The following CDH18 variants were observed in gnomAD, a reference collection of about 807,000 sequenced individuals.
The protein encoded by CDH18 is cadherin-18.
A neutral mutation model predicts 67.9 loss-of-function variants in CDH18; 31 were observed. That is an observed-to-expected ratio of 0.46 (90% confidence interval 0.34 to 0.62). The LOEUF is 0.62. Among genes scored for constraint, CDH18 ranks in the 20% least tolerant of loss-of-function variants. The pLI, the probability that CDH18 is intolerant of heterozygous loss-of-function variation, is 0.01. For synonymous variants in CDH18, 362 were observed against 347.2 expected (o/e 1.04, Z -0.48); for missense variants, 890 against 975.5 (o/e 0.91, Z 1.17).
At chr5:20,568,132 C>T (rs190191265) in intron 1 of CDH18, among the ~76,000 whole-genome samples, 27 of 152,186 alleles carry the variant, frequency 1.8e-4, no homozygotes, top group East Asian at 9.7e-4. Context: ...ATTATAAAGA[C>T]GACAAACACA....
At chr5:20,106,674 T>C (rs1319118657) in intron 2 of CDH18, among the ~76,000 whole-genome samples, 1 of 152,226 alleles carries the variant, frequency 6.6e-6, no homozygotes, top group Non-Finnish European at 1.5e-5. Context: ...TTGTTATTTG[T>C]TTCTTTATTT....
intron 2 of CDH18, among the ~76,000 whole-genome samples, chr5:20,193,422 T>C (rs1187996730): frequency 6.6e-6 from 1 of 151,730 alleles, no homozygotes; most frequent in Non-Finnish European, 1.5e-5. Flanking sequence ...AATAACAAAT[T>C]CTGAAAATGA....
intron 2 of CDH18, among the ~76,000 whole-genome samples, chr5:20,104,448 A>T (rs1430078209): frequency 6.6e-6 from 1 of 152,202 alleles, no homozygotes; most frequent in Non-Finnish European, 1.5e-5. Flanking sequence ...TGAGAGAACA[A>T]GAGTATATCG....
At chr5:19,735,232 A>G (rs1021617202) in intron 4 of CDH18, among the ~76,000 whole-genome samples, 5 of 152,122 alleles carry the variant, frequency 3.3e-5, no homozygotes, top group African/African-American at 1.2e-4. Context: ...GTCGCTGTCA[A>G]TTGGTCTCAG....
chr5:19,985,382 G>A (rs77895444), intron 1 of CDH18, among the ~76,000 whole-genome samples: 1,840 of 152,110 alleles, frequency 0.012, 54 homozygotes, highest in African/African-American at 0.042. Flanking sequence ...CCCACTGAGT[G>A]GTTCTCAAAA....
chr5:20,440,454 C>T (rs540777965), intron 1 of CDH18, among the ~76,000 whole-genome samples: 50 of 151,740 alleles, frequency 3.3e-4, no homozygotes, highest in Non-Finnish European at 5.0e-4. Flanking sequence ...AAAGAGTTTG[C>T]CTAAAATGTA....
At chr5:20,304,147 G>A (rs1736200698) in intron 1 of CDH18, 6 of 1,568,810 alleles carry the variant, frequency 3.8e-6, no homozygotes, top group East Asian at 2.2e-5. Flanking sequence ...CATTCTTCTC[G>A]TCAATTGGTG....
At chr5:20,260,952 GT>G (rs1202798316) in intron 1 of CDH18, among the ~76,000 whole-genome samples, 1 of 152,138 alleles carries the variant, frequency 6.6e-6, no homozygotes, top group Non-Finnish European at 1.5e-5. Flanking sequence ...CCAATACATG[GT>G]TTAGCCTTGT....
chr5:20,440,520 A>T (rs1409294989), intron 1 of CDH18, among the ~76,000 whole-genome samples: 2 of 151,984 alleles, frequency 1.3e-5, no homozygotes, highest in East Asian at 3.9e-4. Flanking sequence ...AAAGTTGGAA[A>T]TAATGAGATC....
chr5:19,949,534 A>G (rs944640430), intron 2 of CDH18, among the ~76,000 whole-genome samples: 2 of 152,172 alleles, frequency 1.3e-5, no homozygotes, highest in Non-Finnish European at 2.9e-5. Context: ...AATGTAAGCA[A>G]GACAACTTAG....
intron 1 of CDH18, among the ~76,000 whole-genome samples, chr5:20,415,938 C>A (rs1399644249): frequency 6.6e-6 from 1 of 151,894 alleles, no homozygotes; most frequent in African/African-American, 2.4e-5. Context: ...TTAAAAATAG[C>A]CAAACTCATA....
intron 3 of CDH18, among the ~76,000 whole-genome samples, chr5:19,749,580 G>A (rs1038296847): frequency 6.6e-6 from 1 of 150,588 alleles, no homozygotes; most frequent in African/African-American, 2.4e-5. Flanking sequence ...GTACAGTTAG[G>A]TTCTTATTAC....
chr5:19,877,785 G>A (rs1787189089), intron 2 of CDH18, among the ~76,000 whole-genome samples: 1 of 152,104 alleles, frequency 6.6e-6, no homozygotes, highest in Admixed American at 6.6e-5. Context: ...TCAGCCTTAA[G>A]AGACAGATGT....
chr5:19,513,642 T>G (rs2126846600), intron 10 of CDH18, among the ~76,000 whole-genome samples: 1 of 152,252 alleles, frequency 6.6e-6, no homozygotes, highest in Non-Finnish European at 1.5e-5. Flanking sequence ...AGAATAATGC[T>G]TAGGCTTTTA....
chr5:20,272,371 TTTTG>T lies in CDH18; in HGVS notation c.-579-16870_-579-16867del, dbSNP rs200517805. ...GTAAAAAGTAAGCATGATTAACTTT[TTTTG>T]TTTGTTTGTTTTGTTTCAAAGACTG... On this transcript the variant is annotated intron_variant, in intron 1 of 14. Coordinates refer to the CDH18 transcript ENST00000507958. Among the ~76,000 whole-genome samples, 1,356 of 152,170 alleles carry T rather than the reference TTTTG, an allele frequency of 8.9e-3. 21 individuals are homozygous for T. Among genetic ancestry groups the T allele is most frequent in the African/African-American group, 0.03 (1,242 of 41,550 alleles).
At position 19,571,629 on chromosome 5, in the gene CDH18, G is replaced by C. The variant is rs749391093; in HGVS notation, c.1203C>G (p.Val401=). Residue 401 remains valine (V), a synonymous_variant, in exon 8 of 13, where the codon GTC becomes GTG. Transcript: ENST00000382275. ...GATCTTGTGCCAAAACTGTACCAAC[G>C]ACGGTCCCAATCTTGGCATTTTCGT... The part of the protein sequence containing the change: ...EVYENAKIGT[V]VGTVLAQDPD... The C allele has an allele frequency of 5.0e-6, 8 of 1,613,736 alleles. No homozygotes were observed. The South Asian group carries it at 6.6e-5, about 13-fold the overall frequency.
chr5:19,613,515 A>G (rs1749333076), intron 5 of CDH18, among the ~76,000 whole-genome samples: 1 of 152,218 alleles, frequency 6.6e-6, no homozygotes, highest in South Asian at 2.1e-4. Flanking sequence ...GGTTTATTCT[A>G]TAAATCATCT....
intron 7 of CDH18, among the ~76,000 whole-genome samples, chr5:19,576,584 A>G (rs1742346995): frequency 6.6e-6 from 1 of 152,200 alleles, no homozygotes; most frequent in African/African-American, 2.4e-5. Context: ...CATCAAAAAC[A>G]TGAACGATAA....
chr5:20,296,576 G>A (rs1747554260), intron 1 of CDH18, among the ~76,000 whole-genome samples: 1 of 151,932 alleles, frequency 6.6e-6, no homozygotes, highest in African/African-American at 2.4e-5. Context: ...AGTTTTTATA[G>A]TATTATATGT....
Sources: allele counts gnomAD v4.1 joint callset (sites outside exome capture counted in the v4.1 genomes callset), GRCh38; gene constraint gnomAD v4.1.1; transcripts MANE v1.5; gene names NCBI Gene and HGNC (gene_info 2026-07-23, HGNC 2026-07-21).